MAMLD1: variants seen among roughly 807,000 people sequenced by gnomAD.
MAMLD1 encodes the protein mastermind-like domain-containing protein 1.
Under a neutral mutation model 45.0 loss-of-function variants are expected in MAMLD1, and 14 were observed. The observed-to-expected ratio is 0.31, with a 90% CI of 0.21 to 0.49. The LOEUF (loss-of-function observed/expected upper bound fraction) is 0.49, where lower values mean the gene tolerates loss of function less well. MAMLD1 is among the 20% of genes least tolerant of loss of function. The pLI is 0.99. For synonymous variants in MAMLD1, 254 were observed against 247.8 expected (o/e 1.02, Z -0.24); for missense variants, 543 against 603.6 (o/e 0.90, Z 1.05).
intron 1 of MAMLD1, among the ~76,000 whole-genome samples, chrX:150,389,483 T>C (rs781944688): frequency 1.1e-4 from 12 of 112,543 alleles, no homozygotes; most frequent in Non-Finnish European, 1.9e-4. Context: ...TTTGATTCCA[T>C]TGATCACATT....
intron 2 of MAMLD1, among the ~76,000 whole-genome samples, chrX:150,446,862 C>A (rs1425172690): frequency 2.7e-5 from 3 of 112,781 alleles, no homozygotes; most frequent in African/African-American, 6.4e-5. Context: ...TCCCAGAGTC[C>A]GTGATCAGTT....
intron 5 of MAMLD1, among the ~76,000 whole-genome samples, chrX:150,477,960 G>T (rs984309375): frequency 2.7e-5 from 3 of 111,429 alleles, no homozygotes; most frequent in Non-Finnish European, 1.9e-5. Flanking sequence ...CATCCTGAGG[G>T]GATACCTCCC....
intron 3 of MAMLD1, among the ~76,000 whole-genome samples, chrX:150,466,603 A>C (rs2036227568): frequency 8.9e-6 from 1 of 112,303 alleles, no homozygotes; most frequent in Non-Finnish European, 1.9e-5. Context: ...TTGGCATAGC[A>C]AAAGTGGCAT....
At chrX:150,477,139 T>C (rs1159530398) in intron 5 of MAMLD1, among the ~76,000 whole-genome samples, 1 of 113,266 alleles carries the variant, frequency 8.8e-6, no homozygotes, top group Non-Finnish European at 1.9e-5. Context: ...TTGGATCACT[T>C]GGGTCCAAAT....
At chrX:150,378,644 TAAGA>T (rs1204543249) in intron 1 of MAMLD1, among the ~76,000 whole-genome samples, 1 of 112,207 alleles carries the variant, frequency 8.9e-6, no homozygotes, top group Admixed American at 9.4e-5. Flanking sequence ...CTTTCTACTA[TAAGA>T]AAGAACTTTT....
chrX:150,498,710 A>G (rs1303580853), intron 5 of MAMLD1, among the ~76,000 whole-genome samples: 1 of 112,708 alleles, frequency 8.9e-6, no homozygotes, highest in Non-Finnish European at 1.9e-5. Context: ...TTCAGCATCA[A>G]CTCAGGAAGT....
At chrX:150,448,145 G>A (rs910265691) in intron 2 of MAMLD1, among the ~76,000 whole-genome samples, 1 of 112,016 alleles carries the variant, frequency 8.9e-6, no homozygotes, top group Non-Finnish European at 1.9e-5. Flanking sequence ...GAACACCTGG[G>A]TTCTAGTCTT....
intron 2 of MAMLD1, among the ~76,000 whole-genome samples, chrX:150,448,169 A>T (rs2124605368): frequency 8.9e-6 from 1 of 111,880 alleles, no homozygotes; most frequent in African/African-American, 3.2e-5. Context: ...GCTACTCCTC[A>T]CTAGCTATGG....
chrX:150,370,694 C>A (rs1420634446), intron 1 of MAMLD1, among the ~76,000 whole-genome samples: 1 of 111,878 alleles, frequency 8.9e-6, no homozygotes, highest in African/African-American at 3.3e-5. Context: ...GCCTCCACCC[C>A]CCCAGCTCTG....
intron 2 of MAMLD1, among the ~76,000 whole-genome samples, chrX:150,451,243 T>C (rs968773453): frequency 1.8e-5 from 2 of 112,565 alleles, no homozygotes; most frequent in Non-Finnish European, 3.8e-5. Context: ...TGGCCTCATC[T>C]GCATTCCTGC....
intron 1 of MAMLD1, among the ~76,000 whole-genome samples, chrX:150,443,382 A>G (rs1215709668): frequency 9.7e-6 from 1 of 102,750 alleles, no homozygotes; most frequent in Non-Finnish European, 2.0e-5. Context: ...GTTCAGATTG[A>G]TCATTTCTTT....
intron 1 of MAMLD1, among the ~76,000 whole-genome samples, chrX:150,426,605 C>G (rs781894985): frequency 6.3e-5 from 7 of 111,980 alleles, no homozygotes; most frequent in Admixed American, 9.5e-5. Flanking sequence ...GATAAATGAT[C>G]CCTGGTTTCA....
At position 150,485,055 on chromosome X, in the gene MAMLD1, A is replaced by C. The variant is rs1462119862; in HGVS notation, c.2040+11253A>C. The stretch of plus-strand genomic sequence containing the variant: ...AGTAAGGCTCTGCTAAACTGATCAA[A>C]TGCTCCACGTACATTTGTCCCAGTA... On this transcript the variant is annotated intron_variant, in intron 5 of 7. Transcript: ENST00000370401. Among the ~76,000 whole-genome samples, 5 of 111,142 alleles carry C rather than the reference A, an allele frequency of 4.5e-5. No individual in the cohort carries two copies. The South Asian group carries it at 1.9e-3, about 43-fold the overall frequency.
Position 150,423,387 on chromosome X carries a change from T to TGTGTGC in MAMLD1, c.-63-22066_-63-22065insTGTGCG, listed in dbSNP as rs782748216. Among the ~76,000 whole-genome samples the TGTGTGC allele has an allele frequency of 8.8e-4, 91 of 103,743 alleles. 1 individual carries two copies. The highest frequency in any genetic ancestry group is 3.1e-3 in the African/African-American group (89 of 28,554). 90.1% of individuals were successfully genotyped at this position (103,743 alleles called of 115,157 possible). On this transcript the variant is annotated intron_variant, in intron 1 of 7. Coordinates refer to ENST00000370401, the MANE Select transcript of MAMLD1 (RefSeq NM_005491.5). Reference sequence around the variant, plus strand: ...GTGTGTGTGTGTGTGTGTGTGTGTTTGCACCTTTGGGGCTACGGTTGAGCA... The same window carrying TGTGTGC: ...GTGTGTGTGTGTGTGTGTGTGTGTTTGTGTGCGCACCTTTGGGGCTACGGTTGAGCA...
intron 1 of MAMLD1, among the ~76,000 whole-genome samples, chrX:150,414,883 CA>C (rs1222287140): frequency 3.4e-4 from 38 of 111,866 alleles, no homozygotes; most frequent in African/African-American, 1.2e-3. Context: ...TGCTTTTTGA[CA>C]ACCCTTAAGC....
intron 6 of MAMLD1, among the ~76,000 whole-genome samples, 181 bp downstream of exon 6, chrX:150,503,698 A>G (rs2037637814): frequency 9.0e-6 from 1 of 111,549 alleles, no homozygotes; most frequent in African/African-American, 3.3e-5. Context: ...CTTGTTCTCT[A>G]CTTTCTGCCC....
chrX:150,471,122 A>G lies in MAMLD1; in HGVS notation c.1549A>G (p.Thr517Ala). ...GCCCATAAGCAGCAACTCATCCAAA[A>G]CCCTGAGCATGATCATGCAGCAGGG... ...FKPISSNSSK[T>A]LSMIMQQGMA... is the part of the protein sequence containing the mutation. Residue 517 changes from threonine to alanine, a missense_variant, in exon 4 of 8, where the codon ACC (threonine) becomes GCC (alanine). Thr to Ala is a moderately conservative substitution (Grantham distance 58, BLOSUM62 0). Transcript: ENST00000370401. 1 of 1,209,433 alleles carries G rather than the reference A, an allele frequency of 8.3e-7. No individual in the cohort carries two copies. Among genetic ancestry groups the G allele is most frequent in the Admixed American group, 2.2e-5 (1 of 45,789 alleles).
intron 1 of MAMLD1, among the ~76,000 whole-genome samples, chrX:150,368,439 T>C (rs2031696470): frequency 9.1e-6 from 1 of 110,411 alleles, no homozygotes; most frequent in Admixed American, 9.6e-5. Context: ...TTGTTTGAGT[T>C]CTTTGTAGAT....
At chrX:150,481,873 AG>A (rs781872847) in intron 5 of MAMLD1, among the ~76,000 whole-genome samples, 2 of 106,825 alleles carry the variant, frequency 1.9e-5, no homozygotes, top group Non-Finnish European at 3.8e-5. Context: ...AAAGAAAGAA[AG>A]AAAAAGAAAG....
Sources: allele counts gnomAD v4.1 joint callset (sites outside exome capture counted in the v4.1 genomes callset), GRCh38; gene constraint gnomAD v4.1.1; transcripts MANE v1.5; gene names NCBI Gene and HGNC (gene_info 2026-07-23, HGNC 2026-07-21).